The following MTMR7 variants were observed in gnomAD, a reference collection of about 807,000 sequenced individuals.
MTMR7 encodes phosphatidylinositol-3-phosphate phosphatase MTMR7.
In MTMR7, 76 loss-of-function variants were observed where a neutral mutation model predicts 81.2. The observed-to-expected ratio is 0.94, with a 90% CI of 0.78 to 1.13. The LOEUF is 1.13. Among genes scored for constraint, MTMR7 ranks in the 50% most tolerant of loss-of-function variants. MTMR7 has a pLI of 0.00. For missense variants in MTMR7, 1,044 were observed against 820.0 expected (o/e 1.27, Z -3.34); for synonymous variants, 372 against 289.8 (o/e 1.28, Z -2.88).
intron 4 of MTMR7, among the ~76,000 whole-genome samples, chr8:17,358,194 T>C (rs913068526): frequency 1.3e-5 from 2 of 151,892 alleles, no homozygotes; most frequent in African/African-American, 2.4e-5. Flanking sequence ...AACATTTACA[T>C]AAGAAGGTTA....
intron 7 of MTMR7, among the ~76,000 whole-genome samples, chr8:17,323,494 C>A (rs1167734398): frequency 6.6e-6 from 1 of 152,022 alleles, no homozygotes; most frequent in Non-Finnish European, 1.5e-5. Flanking sequence ...GAAGTCGACA[C>A]TGGGAAAAGA....
intron 13 of MTMR7, among the ~76,000 whole-genome samples, chr8:17,300,953 T>A (rs1817070278): frequency 6.6e-6 from 1 of 152,238 alleles, no homozygotes; most frequent in African/African-American, 2.4e-5. Context: ...ATCAAGTACT[T>A]CATTCCTTTT....
chr8:17,389,053 G>T (rs10088485), intron 1 of MTMR7, among the ~76,000 whole-genome samples: 14 of 151,700 alleles, frequency 9.2e-5, no homozygotes, highest in Admixed American at 9.2e-4. Context: ...AAAGCTGCAT[G>T]ATTGCCTGCC....
At chr8:17,304,836 C>T (rs1817351809) in intron 11 of MTMR7, among the ~76,000 whole-genome samples, 2 of 151,682 alleles carry the variant, frequency 1.3e-5, no homozygotes, top group Non-Finnish European at 2.9e-5. Flanking sequence ...TTGTCACACA[C>T]TATTCTAAAT....
chr8:17,371,859 T>G lies in MTMR7; in HGVS notation c.148-660A>C, dbSNP rs75782257. Among the ~76,000 whole-genome samples, 9 of 143,300 alleles carry G rather than the reference T, an allele frequency of 6.3e-5. No individual in the cohort carries two copies. The South Asian group carries it at 9.0e-4, about 14-fold the overall frequency. 94.0% of individuals were successfully genotyped at this position (143,300 alleles called of 152,430 possible). A position where few individuals can be genotyped will look rare whatever the true frequency, so the allele number is the denominator to read the frequency against. On this transcript the variant is annotated intron_variant, in intron 2 of 13. Coordinates refer to ENST00000180173, the MANE Select transcript of MTMR7 (RefSeq NM_004686.5). ...GCCATCACTTACCTATAGTTTTTTT[T>G]TTTTTTTTTTTTTTTTACAGTGAGA...
At chr8:17,397,006 C>T (rs1315869490) in intron 1 of MTMR7, among the ~76,000 whole-genome samples, 1 of 152,066 alleles carries the variant, frequency 6.6e-6, no homozygotes, top group Middle Eastern at 3.4e-3. Context: ...AAGAGAAGAA[C>T]CCAGTCCTAG....
At chr8:17,382,685 G>C (rs1244525533) in intron 1 of MTMR7, among the ~76,000 whole-genome samples, 3 of 152,194 alleles carry the variant, frequency 2.0e-5, no homozygotes, top group Non-Finnish European at 4.4e-5. Flanking sequence ...GAAAGTGCCT[G>C]AGTGATAAGG....
At chr8:17,329,273 C>T (rs1281631270) in intron 7 of MTMR7, among the ~76,000 whole-genome samples, 3 of 152,108 alleles carry the variant, frequency 2.0e-5, no homozygotes, top group South Asian at 4.1e-4. Context: ...GCTCAGCCTC[C>T]GCAATGGTTT....
chr8:17,399,380 T>G (rs922615494), intron 1 of MTMR7, among the ~76,000 whole-genome samples: 29 of 152,118 alleles, frequency 1.9e-4, no homozygotes, highest in African/African-American at 7.0e-4. Context: ...ATCCTATTTA[T>G]AATAGCTACA....
At chr8:17,312,313 G>C (rs1406089778) in intron 8 of MTMR7, among the ~76,000 whole-genome samples, 1 of 152,102 alleles carries the variant, frequency 6.6e-6, no homozygotes, top group Admixed American at 6.6e-5. Context: ...AGTGGCTCAC[G>C]CATGTAATCC....
intron 7 of MTMR7, among the ~76,000 whole-genome samples, chr8:17,316,611 A>G (rs7840286): frequency 0.013 from 2,039 of 152,220 alleles, 51 homozygotes; most frequent in African/African-American, 0.048. Flanking sequence ...CGGGTTCCAC[A>G]TCCTTGGAGT....
chr8:17,406,105 C>T (rs1240891455), intron 1 of MTMR7, among the ~76,000 whole-genome samples: 17 of 151,984 alleles, frequency 1.1e-4, no homozygotes, highest in African/African-American at 4.1e-4. Context: ...AGAAAATATA[C>T]ATAGATATGA....
intron 4 of MTMR7, among the ~76,000 whole-genome samples, chr8:17,359,793 A>AT (rs902296977): frequency 6.6e-6 from 1 of 152,154 alleles, no homozygotes; most frequent in African/African-American, 2.4e-5. Flanking sequence ...GTATCAAAAG[A>AT]TTTTTAAAAA....
chr8:17,349,807 C>T (rs1191388840), intron 4 of MTMR7, among the ~76,000 whole-genome samples: 3 of 152,152 alleles, frequency 2.0e-5, no homozygotes, highest in Non-Finnish European at 4.4e-5. Flanking sequence ...GTGACTACCA[C>T]AGTGGAAGGG....
chr8:17,311,396 TAC>T (rs1332832330), intron 9 of MTMR7, 113 bp downstream of exon 9: 2 of 1,369,076 alleles, frequency 1.5e-6, no homozygotes, highest in African/African-American at 2.9e-5. Context: ...CTTGCTGAGC[TAC>T]TAAAAGAAAA....
chr8:17,410,789 G>A (rs766071061), intron 1 of MTMR7, among the ~76,000 whole-genome samples: 3 of 152,174 alleles, frequency 2.0e-5, no homozygotes, highest in African/African-American at 7.2e-5. Flanking sequence ...ATATTACACA[G>A]TCTACAGCGA....
At chr8:17,353,224 G>C (rs1176875688) in intron 4 of MTMR7, among the ~76,000 whole-genome samples, 2 of 152,140 alleles carry the variant, frequency 1.3e-5, no homozygotes, top group African/African-American at 4.8e-5. Context: ...CTTATATGAG[G>C]TATCTAAAGT....
Position 17,311,649 on chromosome 8 carries a change from C to G in MTMR7, c.976-13G>C, listed in dbSNP as rs375713199. On this transcript the variant is annotated splice_polypyrimidine_tract_variant and intron_variant, in intron 8 of 13. Coordinates refer to ENST00000180173, the MANE Select transcript of MTMR7 (RefSeq NM_004686.5). Reference sequence around the variant, plus strand: ...CCTCTGACACTGCCTAGAAAACACACGATCCGCAAAGAGTCACAAAGAATG... The same window carrying G: ...CCTCTGACACTGCCTAGAAAACACAGGATCCGCAAAGAGTCACAAAGAATG... 1.6e-4 allele frequency: 251 copies of G among 1,613,780 alleles called. No individual in the cohort carries two copies. Among genetic ancestry groups the G allele is most frequent in the Non-Finnish European group, 1.3e-4 (150 of 1,179,944 alleles).
intron 3 of MTMR7, among the ~76,000 whole-genome samples, chr8:17,369,786 C>T (rs879888172): frequency 6.6e-5 from 10 of 151,694 alleles, no homozygotes; most frequent in Non-Finnish European, 1.5e-4. Context: ...GCTGGGACTA[C>T]AGGCGCACAC....
Sources: allele counts gnomAD v4.1 joint callset (sites outside exome capture counted in the v4.1 genomes callset), GRCh38; gene constraint gnomAD v4.1.1; transcripts MANE v1.5; gene names NCBI Gene and HGNC (gene_info 2026-07-23, HGNC 2026-07-21).